The following NSUN7 variants were observed in gnomAD, a reference collection of about 807,000 sequenced individuals.
The protein encoded by NSUN7 is protein NSUN7.
A neutral mutation model predicts 58.5 loss-of-function variants in NSUN7; 39 were observed. That is an observed-to-expected ratio of 0.67 (90% CI 0.52 to 0.87). The LOEUF (loss-of-function observed/expected upper bound fraction) is 0.87. NSUN7 is among the 40% of genes least tolerant of loss of function. NSUN7 has a pLI of 0.00. For missense variants in NSUN7, 765 were observed against 844.1 expected (o/e 0.91, Z 1.16); for synonymous variants, 278 against 303.7 (o/e 0.92, Z 0.88).
Position 40,760,436 on chromosome 4 carries a change from CAA to C in NSUN7, c.302_303del (p.Gln101ArgfsTer32). 1 of 1,608,238 alleles carries C rather than the reference CAA, an allele frequency of 6.2e-7. No individual in the cohort carries two copies. The highest frequency in any genetic ancestry group is 1.1e-5 in the South Asian group (1 of 89,920). ...YELAFSALKYQDILETILIDS... is the reference protein window; with the variant it reads ...YELAFSALKYXDILETILIDS... The stretch of plus-strand genomic sequence containing the variant: ...CAGGCCTTTCCCTTGTTTTGCAGAT[CAA>C]GATATTTTGGAAACTATATTGATAG... On this transcript the variant is annotated frameshift_variant, in exon 3 of 12. Coordinates refer to ENST00000381782, the MANE Select transcript of NSUN7 (RefSeq NM_024677.6). LOFTEE classifies it high-confidence loss of function.
At chr4:40,796,096 G>C (rs1037389158) in intron 9 of NSUN7, among the ~76,000 whole-genome samples, 6 of 152,156 alleles carry the variant, frequency 3.9e-5, no homozygotes, top group African/African-American at 1.2e-4. Context: ...AGCCAGGCGT[G>C]GTGGCTCATG....
At chr4:40,765,384 T>C (rs1319774386) in intron 4 of NSUN7, among the ~76,000 whole-genome samples, 1 of 147,964 alleles carries the variant, frequency 6.8e-6, no homozygotes, top group Admixed American at 6.9e-5. Context: ...AAAGATCAGA[T>C]AGTTGTAGAT....
intron 9 of NSUN7, among the ~76,000 whole-genome samples, chr4:40,795,913 C>T (rs1743306732): frequency 6.6e-6 from 1 of 152,206 alleles, no homozygotes; most frequent in Non-Finnish European, 1.5e-5. Context: ...ATGTGCCTGG[C>T]ACCTGCTGCT....
chr4:40,787,377 G>T (rs1052856912), intron 7 of NSUN7, among the ~76,000 whole-genome samples: 1 of 144,616 alleles, frequency 6.9e-6, no homozygotes, highest in Non-Finnish European at 1.5e-5. Context: ...GTAAAAAAAA[G>T]AAAATATAAT....
chr4:40,768,271 G>A (rs187919993), intron 4 of NSUN7, among the ~76,000 whole-genome samples: 5 of 144,904 alleles, frequency 3.5e-5, no homozygotes, highest in Non-Finnish European at 6.0e-5. Flanking sequence ...GCACAATCTC[G>A]GCTCACTGCA....
At chr4:40,762,094 T>G (rs1295958074) in intron 4 of NSUN7, among the ~76,000 whole-genome samples, 1 of 152,218 alleles carries the variant, frequency 6.6e-6, no homozygotes, top group Non-Finnish European at 1.5e-5. Context: ...CTTGTGCTTT[T>G]GCCCTTCTGT....
At chr4:40,800,612 T>C (rs2154289232) in intron 10 of NSUN7, among the ~76,000 whole-genome samples, 1 of 152,328 alleles carries the variant, frequency 6.6e-6, no homozygotes, top group South Asian at 2.1e-4. Context: ...AGTGCTGGGA[T>C]TACAGGCGTG....
chr4:40,766,999 G>A (rs2154287149), intron 4 of NSUN7, among the ~76,000 whole-genome samples: 1 of 150,630 alleles, frequency 6.6e-6, no homozygotes, highest in Admixed American at 6.6e-5. Context: ...CTTGCTAGCA[G>A]TCTATCAATT....
intron 7 of NSUN7, among the ~76,000 whole-genome samples, chr4:40,781,571 A>C (rs1472643780): frequency 6.6e-6 from 1 of 152,054 alleles, no homozygotes; most frequent in Admixed American, 6.6e-5. Flanking sequence ...TCAGCCTCCC[A>C]AGTAGCTGGG....
chr4:40,755,600 A>G (rs891798476), intron 2 of NSUN7, among the ~76,000 whole-genome samples: 5 of 152,220 alleles, frequency 3.3e-5, no homozygotes, highest in Non-Finnish European at 5.9e-5. Flanking sequence ...TCAGAATCAT[A>G]TAATCTGTCA....
chr4:40,763,182 G>T (rs1741541096), intron 4 of NSUN7, among the ~76,000 whole-genome samples: 1 of 152,168 alleles, frequency 6.6e-6, no homozygotes, highest in Non-Finnish European at 1.5e-5. Flanking sequence ...AGGCTTGGCT[G>T]AGGTACTCTG....
chr4:40,761,347 G>C, intron 4 of NSUN7, 46 bp downstream of exon 4: 3 of 1,482,364 alleles, frequency 2.0e-6, no homozygotes, highest in South Asian at 1.2e-5. Flanking sequence ...ACCTACATTG[G>C]TATTGTTATT....
At chr4:40,768,381 G>A (rs1302105884) in intron 4 of NSUN7, among the ~76,000 whole-genome samples, 2 of 151,774 alleles carry the variant, frequency 1.3e-5, no homozygotes, top group African/African-American at 4.8e-5. Flanking sequence ...GTAGAGATGG[G>A]GTTTCAGCAT....
chr4:40,750,542 G>A (rs890819728), intron 1 of NSUN7, 61 bp from the exon 2 acceptor site: 3 of 852,328 alleles, frequency 3.5e-6, no homozygotes, highest in East Asian at 2.6e-5. Context: ...CAACGAAGGG[G>A]GCCACCCACA....
chr4:40,756,365 T>A (rs1463203754), intron 2 of NSUN7, among the ~76,000 whole-genome samples: 1 of 152,158 alleles, frequency 6.6e-6, no homozygotes, highest in African/African-American at 2.4e-5. Context: ...ACATGTAAAA[T>A]GGTGGTTAAG....
In NSUN7 at chr4:40,780,753, A is replaced by C. The variant is rs1742491828; in HGVS notation, c.1036+4494A>C. 3.1e-5 allele frequency among the ~76,000 whole-genome samples: 3 copies of C among 97,342 alleles called. No individual in the cohort carries two copies. In the South Asian group the frequency reaches 8.5e-4, roughly 28 times the overall value. 63.9% of individuals were successfully genotyped at this position (97,342 alleles called of 152,430 possible). ...ATTAAAATATTATGTAAACATTGAAATACACACACACACACACACACACAC... is the reference window on the plus strand; with the variant it reads ...ATTAAAATATTATGTAAACATTGAACTACACACACACACACACACACACAC... On this transcript the variant is annotated intron_variant, in intron 7 of 11. Coordinates refer to ENST00000381782, the MANE Select transcript of NSUN7 (RefSeq NM_024677.6).
chr4:40,806,373 AAATAT>A (rs1358849793), intron 10 of NSUN7, among the ~76,000 whole-genome samples: 1 of 152,156 alleles, frequency 6.6e-6, no homozygotes, highest in East Asian at 1.9e-4. Flanking sequence ...ACTTATTATT[AAATAT>A]ATTTTAATAA....
intron 1 of NSUN7, 98 bp downstream of exon 1, chr4:40,750,398 C>A (rs1363845212): frequency 9.7e-6 from 3 of 310,876 alleles, no homozygotes; most frequent in South Asian, 9.1e-5. Flanking sequence ...GGGAAGCCGT[C>A]GGTCTCCTTG....
intron 7 of NSUN7, among the ~76,000 whole-genome samples, chr4:40,778,127 T>A (rs138849116): frequency 5.5e-4 from 83 of 152,152 alleles, no homozygotes; most frequent in Admixed American, 1.6e-3. Flanking sequence ...GAAGAAAATA[T>A]CTAGACTTAA....
Sources: gnomAD v4.1 joint callset for allele counts (sites outside exome capture counted in the v4.1 genomes callset) on GRCh38, gnomAD v4.1.1 for gene constraint, MANE v1.5 for transcripts, NCBI Gene and HGNC (gene_info 2026-07-23, HGNC 2026-07-21) for gene names.